PATZ1: variants seen among roughly 807,000 people sequenced by gnomAD.
PATZ1 encodes POZ/BTB and AT hook containing zinc finger 1.
A neutral mutation model predicts 46.2 loss-of-function variants in PATZ1; 9 were observed. The observed-to-expected ratio is 0.19, with a 90% CI of 0.12 to 0.34. The LOEUF (loss-of-function observed/expected upper bound fraction) is 0.34. Ranked by LOEUF, PATZ1 falls within the 10% of genes least tolerant of loss-of-function variation. The pLI is 1.00. For missense variants in PATZ1, 632 were observed against 923.0 expected, an observed-to-expected ratio of 0.68 and a Z score of 4.08; for synonymous variants, 426 against 378.6, an observed-to-expected ratio of 1.13 and a Z score of -1.45.
At chr22:31,340,382 G>A (rs1221188103) in intron 2 of PATZ1, among the ~76,000 whole-genome samples, 1 of 152,230 alleles carries the variant, frequency 6.6e-6, no homozygotes, top group African/African-American at 2.4e-5. Flanking sequence ...TGAACTCCCA[G>A]AGAGCCGTCT....
At chr22:31,336,454 G>A (rs1371077870) in intron 2 of PATZ1, among the ~76,000 whole-genome samples, 2 of 152,170 alleles carry the variant, frequency 1.3e-5, no homozygotes, top group Non-Finnish European at 2.9e-5. Flanking sequence ...CCCATTAAAT[G>A]ATAGTGGCAA....
chr22:31,341,325 C>T, intron 2 of PATZ1: 1 of 1,496,914 alleles, frequency 6.7e-7, no homozygotes. Context: ...ACCCTGCTAG[C>T]CTCTCCCAAA....
chr22:31,327,245 A>G lies in PATZ1; in HGVS notation c.1710T>C (p.Asp570=), dbSNP rs2049379523. The change falls in exon 5 of 5, where the codon GAT becomes GAC. Residue 570 remains aspartate, a synonymous_variant. Transcript: ENST00000266269. This position sits in a 1 kb window ranked among gnomAD's most constrained non-coding sequence, Gnocchi z 4.2. The part of the protein sequence containing the change: ...ESSDSYGDLS[D]ASDLKTPEKQ... ...TCTCTGGCGTCTTCAGGTCGCTGGC[A>G]TCTGAGAGGTCACCATAGGAGTCAG... 6.2e-7 allele frequency: 1 copy of G among 1,614,126 alleles called. No individual in the cohort carries two copies. The highest frequency in any genetic ancestry group is 1.7e-5 in the Admixed American group (1 of 60,008).
intron 2 of PATZ1, 92 bp from the exon 3 acceptor site, chr22:31,335,955 G>A: frequency 8.4e-7 from 1 of 1,197,492 alleles, no homozygotes; most frequent in South Asian, 1.4e-5. Flanking sequence ...GGCAATTTCT[G>A]GCCATCACAT....
At chr22:31,332,891 A>G (rs978279370) in intron 3 of PATZ1, among the ~76,000 whole-genome samples, 2 of 152,216 alleles carry the variant, frequency 1.3e-5, no homozygotes, top group African/African-American at 4.8e-5. Context: ...TGCTACAGAA[A>G]CTTTAAAGGA....
chr22:31,328,930 C>A lies in PATZ1; in HGVS notation c.1508-6G>T. On this transcript the variant is annotated splice_polypyrimidine_tract_variant and splice_region_variant and intron_variant, in intron 3 of 4. Transcript: ENST00000266269. The surrounding 1 kb of genome is among the most constrained non-coding windows in gnomAD (Gnocchi z 4.8). ...GTAGGAGGCAGAGGAGAAACCTAAA[C>A]AAGACAAAAGGAGATGAGATCCCGC... 1 of 1,611,926 alleles carries A rather than the reference C, an allele frequency of 6.2e-7. No homozygotes were observed. Among genetic ancestry groups the A allele is most frequent in the Non-Finnish European group, 8.5e-7 (1 of 1,178,816 alleles).
Position 31,345,352 on chromosome 22 carries a change from G to A in PATZ1, c.251C>T (p.Pro84Leu), listed in dbSNP as rs1773109126. 6 of 1,607,270 alleles carry A rather than the reference G, an allele frequency of 3.7e-6. No individual in the cohort carries two copies. Among genetic ancestry groups the A allele is most frequent in the Non-Finnish European group, 5.1e-6 (6 of 1,176,058 alleles). Residue 84 changes from proline to leucine, a missense_variant, in exon 1 of 5, where the codon CCG (proline) becomes CTG (leucine). Coordinates refer to ENST00000266269, the MANE Select transcript of PATZ1 (RefSeq NM_014323.3). The surrounding 1 kb of genome is among the most constrained non-coding windows in gnomAD (Gnocchi z 7.4). Reference sequence around the variant, plus strand: ...TGCCGTCGCGCCCCCTACATCAGCCGGACCCCCGTCCGCAGCTCCGCCGTC... The same window carrying A: ...TGCCGTCGCGCCCCCTACATCAGCCAGACCCCCGTCCGCAGCTCCGCCGTC... ...LGDGGAADGG[P>L]ADVGGATAAP... is the part of the protein sequence containing the mutation.
In PATZ1 at chr22:31,326,418, T is replaced by C. The variant is rs2049371093; in HGVS notation, c.*473A>G. 1.3e-5 allele frequency: 3 copies of C among 235,090 alleles called. No homozygotes were observed. The highest frequency in any genetic ancestry group is 1.8e-4 in the South Asian group (1 of 5,676). The allele number at this position is 235,090 out of a possible 1,614,324, so 14.6% of individuals were successfully genotyped here. ...ATGCTTCTGGCTTCCTTAAAAACAG[T>C]TGGGCATCCGCATTGTATAAGTAGG... is the stretch of plus-strand genomic sequence containing the variant. On this transcript the variant is annotated 3_prime_UTR_variant, in exon 5 of 5. Transcript: ENST00000266269.
At position 31,327,634 on chromosome 22, in the gene PATZ1, C is replaced by CA. The variant is rs1238732719; in HGVS notation, c.1646-326dup. 6.6e-6 allele frequency among the ~76,000 whole-genome samples: 1 copy of CA among 152,218 alleles called. No homozygotes were observed. The highest frequency in any genetic ancestry group is 1.5e-5 in the Non-Finnish European group (1 of 68,036). On this transcript the variant is annotated intron_variant, in intron 4 of 4. Transcript: ENST00000266269. This position sits in a 1 kb window ranked among gnomAD's most constrained non-coding sequence, Gnocchi z 4.2. The stretch of plus-strand genomic sequence containing the variant: ...TCTGCTACAGCTGCCCAGAACAACT[C>CA]AAAGACCCCCAACTCCTAGGCGCTC...
chr22:31,337,491 T>G (rs910922643), intron 2 of PATZ1, among the ~76,000 whole-genome samples: 6 of 152,132 alleles, frequency 3.9e-5, no homozygotes, highest in African/African-American at 1.2e-4. Flanking sequence ...CAACATCCCT[T>G]CCTCAGCTGG....
At chr22:31,341,698 G>A (rs201037890) in intron 2 of PATZ1, 121 of 1,596,914 alleles carry the variant, frequency 7.6e-5, no homozygotes, top group Admixed American at 1.9e-4. Context: ...AAAAAGGGCA[G>A]AGAGTGCAGG....
chr22:31,326,822 T>A lies in PATZ1; in HGVS notation c.*69A>T, dbSNP rs951595293. 3.8e-5 allele frequency: 53 copies of A among 1,382,728 alleles called. No homozygotes were observed. In the Admixed American group the frequency reaches 1.2e-3, roughly 31 times the overall value. The allele number at this position is 1,382,728 out of a possible 1,614,324, so 85.7% of individuals were successfully genotyped here. On this transcript the variant is annotated 3_prime_UTR_variant, in exon 5 of 5. Coordinates refer to ENST00000266269, the MANE Select transcript of PATZ1 (RefSeq NM_014323.3). ...TCAGCTACAGAACCCAAACATCACT[T>A]CCCTCCGCATTCACAGCATTTCCCA... is the stretch of plus-strand genomic sequence containing the variant.
Position 31,344,576 on chromosome 22 carries a change from C to G in PATZ1, c.1027G>C (p.Asp343His). The G allele has an allele frequency of 6.2e-7, 1 of 1,614,192 alleles. No homozygotes were observed. The highest frequency in any genetic ancestry group is 8.5e-7 in the Non-Finnish European group (1 of 1,180,024). The change falls in exon 1 of 5, where the codon GAC (aspartate) becomes CAC (histidine). Residue 343 changes from aspartate (D) to histidine (H), a missense_variant. Transcript: ENST00000266269. ...GTCCGGCTCCTCTTTCGGGGGCCGT[C>G]GGGGTCTTCAGAGATGGGTAGCCCA... Reference protein sequence around the residue: ...ENGLPISEDPDGPRKRSRTRK... With the variant: ...ENGLPISEDPHGPRKRSRTRK...
intron 2 of PATZ1, among the ~76,000 whole-genome samples, chr22:31,338,329 C>A (rs1055828193): frequency 6.6e-6 from 1 of 152,248 alleles, no homozygotes. Context: ...GGAGAGGGAG[C>A]TTCTGCTGAG....
rs775339351 is a variant in PATZ1, at chr22:31,344,598, C to T, written c.1005G>A (p.Gly335=). The T allele has an allele frequency of 6.2e-7, 1 of 1,614,134 alleles. No homozygotes were observed. The highest frequency in any genetic ancestry group is 1.1e-5 in the South Asian group (1 of 91,092). The change falls in exon 1 of 5, where the codon GGG becomes GGA. Residue 335 remains glycine (G), a synonymous_variant. Transcript: ENST00000266269. The part of the protein sequence containing the change: ...DLPPPRLGEN[G]LPISEDPDGP... ...CGTCGGGGTCTTCAGAGATGGGTAG[C>T]CCATTCTCACCCAGCCTCGGAGGAG...
At chr22:31,336,921 A>G (rs1025731441) in intron 2 of PATZ1, among the ~76,000 whole-genome samples, 3 of 151,794 alleles carry the variant, frequency 2.0e-5, no homozygotes, top group Non-Finnish European at 4.4e-5. Flanking sequence ...CATCCTGGCT[A>G]ACACGGTGAA....
chr22:31,340,162 C>A (rs1406467153), intron 2 of PATZ1, among the ~76,000 whole-genome samples: 1 of 152,188 alleles, frequency 6.6e-6, no homozygotes, highest in African/African-American at 2.4e-5. Flanking sequence ...TCCAGCAGTA[C>A]CTGGGGCATC....
At chr22:31,329,040 A>G (rs762052946) in intron 3 of PATZ1, 116 bp from the exon 4 acceptor site, 3 of 1,122,948 alleles carry the variant, frequency 2.7e-6, no homozygotes, top group Non-Finnish European at 3.7e-6. Flanking sequence ...CTGCACCTAG[A>G]AGGGGCCCCC....
At chr22:31,340,891 A>G in intron 2 of PATZ1, 1 of 1,064,912 alleles carries the variant, frequency 9.4e-7, no homozygotes, top group Non-Finnish European at 1.1e-6. Context: ...AGTCTACTTC[A>G]CTAGCCAGAA....
Sources: gnomAD v4.1 joint callset for allele counts (sites outside exome capture counted in the v4.1 genomes callset) on GRCh38, gnomAD v4.1.1 for gene constraint, Gnocchi (gnomAD v3.1) non-coding constraint, MANE v1.5 for transcripts, NCBI Gene and HGNC (gene_info 2026-07-23, HGNC 2026-07-21) for gene names.